DCX: variants seen among roughly 807,000 people sequenced by gnomAD.
DCX encodes doublecortin, also known as neuronal migration protein doublecortin.
Under a neutral mutation model 20.9 loss-of-function variants are expected in DCX, and 4 were observed. That is an observed-to-expected ratio of 0.19 (90% CI 0.09 to 0.44). DCX has a LOEUF of 0.44. DCX is among the 20% of genes least tolerant of loss of function. The pLI, the probability that DCX is intolerant of heterozygous loss-of-function variation, is 0.99. For missense variants in DCX, 133 were observed against 296.9 expected, an observed-to-expected ratio of 0.45 and a Z score of 4.06; for synonymous variants, 103 against 111.4, an observed-to-expected ratio of 0.92 and a Z score of 0.47.
intron 5 of DCX, among the ~76,000 whole-genome samples, chrX:111,330,582 T>C (rs775297765): frequency 6.3e-5 from 7 of 111,987 alleles, no homozygotes; most frequent in African/African-American, 1.3e-4. Flanking sequence ...TTCAGGTTTA[T>C]GGTTAATTTG....
At chrX:111,323,615 T>G (rs2095092290) in intron 5 of DCX, among the ~76,000 whole-genome samples, 1 of 104,257 alleles carries the variant, frequency 9.6e-6, no homozygotes, top group Admixed American at 1.0e-4. Context: ...TTTTTTTTTT[T>G]TTTTTTTTTT....
chrX:111,352,605 C>T (rs1300150943), intron 3 of DCX, among the ~76,000 whole-genome samples: 2 of 112,000 alleles, frequency 1.8e-5, no homozygotes, highest in African/African-American at 6.5e-5. Context: ...TGGCATCCTT[C>T]CCAGGCTCTG....
At chrX:111,382,292 C>T (rs968879953) in intron 3 of DCX, among the ~76,000 whole-genome samples, 8 of 111,690 alleles carry the variant, frequency 7.2e-5, no homozygotes, top group African/African-American at 2.3e-4. Flanking sequence ...AACATTGAGG[C>T]CAGTGGTTTC....
chrX:111,386,884 T>C (rs768465350), intron 3 of DCX, among the ~76,000 whole-genome samples: 81 of 111,557 alleles, frequency 7.3e-4, no homozygotes, highest in Non-Finnish European at 1.2e-3. Context: ...CGCAGATTTC[T>C]ATTCCCAACT....
chrX:111,314,970 A>C (rs995935933), intron 5 of DCX, among the ~76,000 whole-genome samples: 3 of 106,557 alleles, frequency 2.8e-5, no homozygotes, highest in Non-Finnish European at 5.7e-5. Flanking sequence ...GTTTAATTAG[A>C]TCCCATTTGT....
Position 111,296,453 on chromosome X carries a change from T to TA in DCX, c.*5233dup, listed in dbSNP as rs1356289965. 3 of 111,399 alleles carry TA rather than the reference T, an allele frequency of 2.7e-5. No homozygotes were observed. The highest frequency in any genetic ancestry group is 9.8e-5 in the African/African-American group (3 of 30,576). The allele number at this position is 111,399 out of a possible 1,213,427, so 9.2% of individuals were successfully genotyped here. On this transcript the variant is annotated 3_prime_UTR_variant, in exon 7 of 7. Transcript: ENST00000636035. ...ATGTTGAAGCCAATAAACCAAGGGA[T>TA]AAAAAATTAGTCTTGTCAGCTGGGC...
chrX:111,365,347 A>G (rs1924537276), intron 3 of DCX, among the ~76,000 whole-genome samples: 1 of 110,275 alleles, frequency 9.1e-6, no homozygotes, highest in Non-Finnish European at 1.9e-5. Context: ...TTAAAATTAA[A>G]AAAAACTTTG....
intron 4 of DCX, among the ~76,000 whole-genome samples, chrX:111,331,746 C>G (rs1008964548): frequency 4.5e-5 from 5 of 112,084 alleles, no homozygotes; most frequent in African/African-American, 1.6e-4. Flanking sequence ...TTTGGAACAC[C>G]CTTTCTATGC....
chrX:111,328,431 A>ATTTAAACT (rs1200418373), intron 5 of DCX, among the ~76,000 whole-genome samples: 1 of 111,845 alleles, frequency 8.9e-6, no homozygotes. Flanking sequence ...TTTGACATAG[A>ATTTAAACT]TTTAAACTGT....
Position 111,297,075 on chromosome X carries a change from G to A in DCX, c.*4612C>T, listed in dbSNP as rs2095023006. 1 of 112,179 alleles carries A rather than the reference G, an allele frequency of 8.9e-6. No homozygotes were observed. Among genetic ancestry groups the A allele is most frequent in the Admixed American group, 9.4e-5 (1 of 10,605 alleles). 9.2% of individuals were successfully genotyped at this position (112,179 alleles called of 1,213,427 possible). ...TTGGGAGACCAGTCTGGGACTTAAAGCCAAAGCCCTTCAGTGAAGGCAATA... is the reference window on the plus strand; with the variant it reads ...TTGGGAGACCAGTCTGGGACTTAAAACCAAAGCCCTTCAGTGAAGGCAATA... On this transcript the variant is annotated 3_prime_UTR_variant, in exon 7 of 7. Transcript: ENST00000636035.
intron 3 of DCX, among the ~76,000 whole-genome samples, chrX:111,392,444 T>G (rs1255341855): frequency 9.0e-6 from 1 of 111,731 alleles, no homozygotes; most frequent in Non-Finnish European, 1.9e-5. Flanking sequence ...ATCCATACAA[T>G]GGAGTACTAT....
chrX:111,410,365 C>T lies in DCX; in HGVS notation c.34G>A (p.Asp12Asn). 1 of 1,211,418 alleles carries T rather than the reference C, an allele frequency of 8.3e-7. No homozygotes were observed. The highest frequency in any genetic ancestry group is 1.1e-6 in the Non-Finnish European group (1 of 895,495). ...ELDFGHFDER[D>N]KTSRNMRGSR... ...CCTCGCATGTTCCTGGATGTCTTAT[C>T]TCTTTCGTCAAAGTGTCCAAAATCA... is the stretch of plus-strand genomic sequence containing the variant. The change falls in exon 2 of 7, where the codon GAT (aspartate) becomes AAT (asparagine). Residue 12 changes from aspartate (D) to asparagine (N), a missense_variant. Coordinates refer to ENST00000636035, the MANE Select transcript of DCX (RefSeq NM_001195553.2).
intron 3 of DCX, among the ~76,000 whole-genome samples, chrX:111,339,459 C>A (rs1922029903): frequency 1.8e-5 from 2 of 111,599 alleles, no homozygotes; most frequent in Admixed American, 9.5e-5. Context: ...CCCTATACCA[C>A]CTCAGAACTC....
At position 111,410,375 on chromosome X, in the gene DCX, A is replaced by G. The variant is rs764063952; in HGVS notation, c.24T>C (p.Phe8=). The G allele has an allele frequency of 8.3e-7, 1 of 1,211,046 alleles. No homozygotes were observed. Residue 8 remains phenylalanine, a synonymous_variant, in exon 2 of 7, where the codon TTT becomes TTC. Coordinates refer to ENST00000636035, the MANE Select transcript of DCX (RefSeq NM_001195553.2). The stretch of plus-strand genomic sequence containing the variant: ...TCCTGGATGTCTTATCTCTTTCGTC[A>G]AAGTGTCCAAAATCAAGTTCCATAT... MELDFGH[F]DERDKTSRNM...
In DCX at chrX:111,400,971, A is replaced by T. The variant is rs187863050; in HGVS notation, c.705+19T>A. The T allele has an allele frequency of 1.3e-5, 15 of 1,193,337 alleles. No individual in the cohort carries two copies. The African/African-American group carries it at 2.6e-4, about 21-fold the overall frequency. On this transcript the variant is annotated intron_variant, in intron 3 of 6. Transcript: ENST00000636035. Reference sequence around the variant, plus strand: ...AGAATTTAGAAAAAACGGGAAAAGTACTTTGAAAAAGTACCTACCTGTTTT... The same window carrying T: ...AGAATTTAGAAAAAACGGGAAAAGTTCTTTGAAAAAGTACCTACCTGTTTT...
rs1032513885 is a variant in DCX, at chrX:111,294,952, C to G, written c.*6735G>C. The G allele has an allele frequency of 8.9e-6, 1 of 112,202 alleles. No homozygotes were observed. The highest frequency in any genetic ancestry group is 1.9e-5 in the Non-Finnish European group (1 of 53,181). The allele number at this position is 112,202 out of a possible 1,213,427, so 9.2% of individuals were successfully genotyped here. On this transcript the variant is annotated 3_prime_UTR_variant, in exon 7 of 7. Transcript: ENST00000636035. ...CTCCCTTTGAAAATGGCCATAAAAA[C>G]ATTTTCTGTACAAGTTTAATGGCAC... is the stretch of plus-strand genomic sequence containing the variant.
intron 3 of DCX, among the ~76,000 whole-genome samples, chrX:111,341,066 A>G (rs990956678): frequency 2.3e-4 from 26 of 110,893 alleles, no homozygotes; most frequent in African/African-American, 8.2e-4. Flanking sequence ...GGGTAATGAA[A>G]AAACTATGCT....
chrX:111,305,049 G>T (rs1428178053), intron 6 of DCX, among the ~76,000 whole-genome samples: 1 of 111,452 alleles, frequency 9.0e-6, no homozygotes, highest in Non-Finnish European at 1.9e-5. Flanking sequence ...CTGGATCAAG[G>T]CATTTAAGGT....
chrX:111,348,058 G>A (rs184173561), intron 3 of DCX, among the ~76,000 whole-genome samples: 58 of 111,957 alleles, frequency 5.2e-4, no homozygotes, highest in African/African-American at 1.8e-3. Flanking sequence ...TTGGTTCATT[G>A]GCCTCATTTT....
Sources: allele counts gnomAD v4.1 joint callset (sites outside exome capture counted in the v4.1 genomes callset), GRCh38; gene constraint gnomAD v4.1.1; transcripts MANE v1.5; gene names NCBI Gene and HGNC (gene_info 2026-07-23, HGNC 2026-07-21).